ASAH1: variants seen among roughly 807,000 people sequenced by gnomAD.
ASAH1 encodes acid ceramidase.
In ASAH1, 70 loss-of-function variants were observed where a neutral mutation model predicts 59.5. The ratio of observed to expected loss-of-function variants is 1.18; its 90% confidence interval spans 0.97 to 1.43. ASAH1 has a LOEUF of 1.43. Ranked by LOEUF, ASAH1 falls within the 40% of genes most tolerant of loss-of-function variation. The probability of loss-of-function intolerance (pLI) is 0.00; values close to 1 mark genes in which losing one functional copy is unlikely to be tolerated. For missense variants in ASAH1, 660 were observed against 482.5 expected (o/e 1.37, Z -3.45); for synonymous variants, 213 against 166.5 (o/e 1.28, Z -2.15).
chr8:18,072,657 T>C (rs939067137), intron 2 of ASAH1, among the ~76,000 whole-genome samples: 8 of 152,214 alleles, frequency 5.3e-5, no homozygotes, highest in African/African-American at 1.7e-4. Context: ...AAAAAAACTT[T>C]TCATCACAAC....
In ASAH1 at chr8:18,069,691, G is replaced by A. The variant is rs1800076286; in HGVS notation, c.303+101C>T. The A allele has an allele frequency of 4.9e-6, 4 of 813,558 alleles. No individual in the cohort carries two copies. The South Asian group carries it at 5.9e-5, about 12-fold the overall frequency. The allele number at this position is 813,558 out of a possible 1,614,324, so 50.4% of individuals were successfully genotyped here. A position where few individuals can be genotyped will look rare whatever the true frequency, so the allele number is the denominator to read the frequency against. ...CAGTGAGCTAGATTCATGCAGATTT[G>A]CCCAAGTCCCTGCGAAGAGGTTGCT... On this transcript the variant is annotated intron_variant, in intron 4 of 13. Transcript: ENST00000637790.
Position 18,062,372 on chromosome 8 carries a change from T to TCC in ASAH1, c.554_555insGG (p.Thr186GlufsTer3). The TCC allele has an allele frequency of 6.2e-7, 1 of 1,614,164 alleles. No homozygotes were observed. Among genetic ancestry groups the TCC allele is most frequent in the Non-Finnish European group, 8.5e-7 (1 of 1,180,010 alleles). On this transcript the variant is annotated frameshift_variant, in exon 8 of 14. Coordinates refer to ENST00000637790, the MANE Select transcript of ASAH1 (RefSeq NM_177924.5). LOFTEE classifies it high-confidence loss of function. The stretch of plus-strand genomic sequence containing the variant: ...TTCTTTGGAAATCCAAATTCACTGT[T>TCC]AAAGGTTTTAGTTGCTCAGTTATGA...
chr8:18,079,510 A>G lies in ASAH1; in HGVS notation c.79-3923T>C, dbSNP rs889386708. On this transcript the variant is annotated intron_variant, in intron 1 of 13. Coordinates refer to ENST00000637790, the MANE Select transcript of ASAH1 (RefSeq NM_177924.5). ...AAGCGCCATACCCTTAAAAAATGGCATAACTTGTACAGCTCCTTAAAATAT... is the reference window on the plus strand; with the variant it reads ...AAGCGCCATACCCTTAAAAAATGGCGTAACTTGTACAGCTCCTTAAAATAT... Among the ~76,000 whole-genome samples the G allele has an allele frequency of 4.6e-5, 7 of 152,148 alleles. No individual in the cohort carries two copies. In the East Asian group the frequency reaches 9.6e-4, roughly 21 times the overall value.
intron 3 of ASAH1, 138 bp downstream of exon 3, chr8:18,071,162 G>C (rs1019649224): frequency 8.9e-6 from 3 of 335,766 alleles, no homozygotes; most frequent in Non-Finnish European, 1.5e-5. Context: ...AGCTGAGATC[G>C]TGCCACTGCA....
chr8:18,075,573 G>A lies in ASAH1; in HGVS notation c.93C>T (p.Cys31=). ...CTGAAGGAGGATAGGTTGATTTTCT[G>A]CAGTCCTCTGTCCACTGAAAAGCAA... The part of the protein sequence containing the change: ...AQHAPPWTED[C]RKSTYPPSGP... Residue 31 remains cysteine, a synonymous_variant, in exon 2 of 14, where the codon TGC becomes TGT. Transcript: ENST00000637790. 3 of 1,614,114 alleles carry A rather than the reference G, an allele frequency of 1.9e-6. No homozygotes were observed. The highest frequency in any genetic ancestry group is 1.1e-5 in the South Asian group (1 of 91,086).
In ASAH1 at chr8:18,057,318, C is replaced by A; in HGVS notation, c.*216G>T. The A allele has an allele frequency of 5.4e-6, 2 of 370,918 alleles. No homozygotes were observed. Among genetic ancestry groups the A allele is most frequent in the Non-Finnish European group, 5.2e-6 (1 of 191,120 alleles). 23.0% of individuals were successfully genotyped at this position (370,918 alleles called of 1,614,324 possible). On this transcript the variant is annotated 3_prime_UTR_variant, in exon 14 of 14. Transcript: ENST00000637790. ...AATTCTAGATGACTGTTTTACTTCCCCTAAAGAAGTTATCTGTAAATAAGA... is the reference window on the plus strand; with the variant it reads ...AATTCTAGATGACTGTTTTACTTCCACTAAAGAAGTTATCTGTAAATAAGA...
intron 1 of ASAH1, 183 bp from the exon 2 acceptor site, chr8:18,075,770 A>C: frequency 1.6e-6 from 1 of 615,848 alleles, no homozygotes; most frequent in Non-Finnish European, 2.9e-6. Flanking sequence ...TAAACCATTA[A>C]GTGGATTTTC....
rs376845682 is a variant in ASAH1, at chr8:18,071,362, T to C, written c.154A>G (p.Ile52Val). Residue 52 changes from isoleucine to valine, a missense_variant, in exon 3 of 14, where the codon ATA becomes GTA. Transcript: ENST00000637790. ...TYRGAVPWYT[I>V]NLDLPPYKRW... ...TTGTAGGGTGGTAAGTCAAGATTTATGGTGTACCATGGAACTGCACCTCTG... is the reference window on the plus strand; with the variant it reads ...TTGTAGGGTGGTAAGTCAAGATTTACGGTGTACCATGGAACTGCACCTCTG... The C allele has an allele frequency of 6.2e-7, 1 of 1,600,920 alleles. No individual in the cohort carries two copies. Among genetic ancestry groups the C allele is most frequent in the Non-Finnish European group, 8.5e-7 (1 of 1,170,956 alleles).
Position 18,062,261 on chromosome 8 carries a change from TAAC to T in ASAH1, c.648+15_648+17del, listed in dbSNP as rs775288080. On this transcript the variant is annotated intron_variant, in intron 8 of 13. Transcript: ENST00000637790. The stretch of plus-strand genomic sequence containing the variant: ...ACAGAAGGCTACCTGTATAATTATG[TAAC>T]AACAGACTCCTTACTGGTTTGAATC... 36 of 1,614,056 alleles carry T rather than the reference TAAC, an allele frequency of 2.2e-5. No individual in the cohort carries two copies. Among genetic ancestry groups the T allele is most frequent in the Non-Finnish European group, 2.9e-5 (34 of 1,180,034 alleles).
Position 18,058,908 on chromosome 8 carries a change from T to C in ASAH1, c.1042-17A>G, listed in dbSNP as rs374547906. On this transcript the variant is annotated splice_polypyrimidine_tract_variant and intron_variant, in intron 12 of 13. Transcript: ENST00000637790. ...TGAGATATTCTAAAACACAAGAAAA[T>C]AGTTTTGTTCAGTAAGTTAAATACA... The C allele has an allele frequency of 8.1e-6, 13 of 1,607,180 alleles. No homozygotes were observed. The highest frequency in any genetic ancestry group is 5.0e-5 in the Admixed American group (3 of 60,004).
Position 18,059,580 on chromosome 8 carries a change from A to G in ASAH1, c.909T>C (p.Asp303=), listed in dbSNP as rs770411519. 4 of 1,614,050 alleles carry G rather than the reference A, an allele frequency of 2.5e-6. No homozygotes were observed. The highest frequency in any genetic ancestry group is 3.3e-5 in the Admixed American group (2 of 60,000). ...TTAACAAACCTACTTACTCATATAC[A>G]TCCAATGATTCCTTTCTGTCTCGTG... ...VITRDRKESL[D]VYELDAKQGR... is the part of the protein sequence containing the mutation. Residue 303 remains aspartate (D), a synonymous_variant, in exon 11 of 14, where the codon GAT becomes GAC. Transcript: ENST00000637790.
At chr8:18,063,914 C>G (rs1375410003) in intron 6 of ASAH1, 1 of 165,000 alleles carries the variant, frequency 6.1e-6, no homozygotes, top group Non-Finnish European at 1.3e-5. Context: ...AGCAGGACAT[C>G]TCAAGGGTAA....
upstream of ASAH1, chr8:18,084,648 C>T: frequency 1.2e-6 from 2 of 1,612,570 alleles, no homozygotes; most frequent in Non-Finnish European, 1.7e-6. Context: ...CGAATCCACT[C>T]GGGTCCTCCA....
Position 18,057,248 on chromosome 8 carries a change from C to G in ASAH1, c.*286G>C. ...GGAGGTGGAGTTCACCATGGTTCGA[C>G]TGCCCACCAGATCCCCAAATGTCAA... On this transcript the variant is annotated 3_prime_UTR_variant, in exon 14 of 14. Coordinates refer to ENST00000637790, the MANE Select transcript of ASAH1 (RefSeq NM_177924.5). 2.9e-6 allele frequency: 1 copy of G among 339,722 alleles called. No homozygotes were observed. Among genetic ancestry groups the G allele is most frequent in the Non-Finnish European group, 5.8e-6 (1 of 172,670 alleles). The allele number at this position is 339,722 out of a possible 1,614,324, so 21.0% of individuals were successfully genotyped here. A position where few individuals can be genotyped will look rare whatever the true frequency, so the allele number is the denominator to read the frequency against.
In ASAH1 at chr8:18,075,592, A is replaced by G. The variant is rs1288203711; in HGVS notation, c.79-5T>C. 6.2e-7 allele frequency: 1 copy of G among 1,613,970 alleles called. No homozygotes were observed. On this transcript the variant is annotated splice_region_variant and splice_polypyrimidine_tract_variant and intron_variant, in intron 1 of 13. Transcript: ENST00000637790. ...TTTTCTGCAGTCCTCTGTCCACTGA[A>G]AAGCAAAGAAAATTAAGTTTCAGAA...
Position 18,084,098 on chromosome 8 carries a change from G to T in ASAH1, c.-40C>A. ...ACGCCACTCCCCGGACTCCAGCAGA[G>T]GCAAAGAAGAGCCGGCTGGGCCGGG... On this transcript the variant is annotated 5_prime_UTR_variant, in exon 1 of 14. Transcript: ENST00000637790. 6.3e-7 allele frequency: 1 copy of T among 1,596,722 alleles called. No individual in the cohort carries two copies. Among genetic ancestry groups the T allele is most frequent in the East Asian group, 2.2e-5 (1 of 44,824 alleles).
At chr8:18,059,768 A>T (rs1245552444) in intron 10 of ASAH1, 65 bp from the exon 11 acceptor site, 2 of 1,450,800 alleles carry the variant, frequency 1.4e-6, no homozygotes, top group South Asian at 2.5e-5. Context: ...AACTTCATTT[A>T]TTTTTAAATT....
At chr8:18,070,240 C>T (rs1389876362) in intron 3 of ASAH1, among the ~76,000 whole-genome samples, 5 of 152,190 alleles carry the variant, frequency 3.3e-5, no homozygotes, top group Non-Finnish European at 7.3e-5. Context: ...ACCTCTGCCT[C>T]CCGGGTTCAA....
At chr8:18,063,468 TA>T in intron 6 of ASAH1, 1 of 383,758 alleles carries the variant, frequency 2.6e-6, no homozygotes, top group African/African-American at 2.5e-5. Context: ...CGCACCTGGC[TA>T]CTTTTTTTTT....
Sources: allele counts gnomAD v4.1 joint callset (sites outside exome capture counted in the v4.1 genomes callset), GRCh38; gene constraint gnomAD v4.1.1; transcripts MANE v1.5; gene names NCBI Gene and HGNC (gene_info 2026-07-23, HGNC 2026-07-21).